Variants in ROBO2 observed in about 807,000 individuals in gnomAD.
ROBO2 encodes roundabout guidance receptor 2.
In ROBO2, 53 loss-of-function variants were observed where a neutral mutation model predicts 160.8. The ratio of observed to expected loss-of-function variants is 0.33; its 90% CI spans 0.26 to 0.41. The LOEUF (loss-of-function observed/expected upper bound fraction) is 0.41. ROBO2 is among the 10% of genes least tolerant of loss of function. The pLI, the probability that ROBO2 is intolerant of heterozygous loss-of-function variation, is 1.00. For missense variants in ROBO2, 1,577 were observed against 1,722.4 expected (o/e 0.92, Z 1.49); for synonymous variants, 664 against 611.7 (o/e 1.09, Z -1.26).
At chr3:76,066,381 AT>A (rs1206674100) in intron 2 of ROBO2, among the ~76,000 whole-genome samples, 1 of 152,110 alleles carries the variant, frequency 6.6e-6, no homozygotes, top group Non-Finnish European at 1.5e-5. Context: ...TTATTTAATT[AT>A]TTGCTAATTA....
At chr3:76,633,025 C>T (rs903541793) in intron 2 of ROBO2, among the ~76,000 whole-genome samples, 1 of 152,072 alleles carries the variant, frequency 6.6e-6, no homozygotes, top group Admixed American at 6.5e-5. Flanking sequence ...GATTAGCCTA[C>T]AGGGAAAGAT....
At chr3:76,723,463 T>A (rs2093497018) in intron 2 of ROBO2, among the ~76,000 whole-genome samples, 1 of 152,182 alleles carries the variant, frequency 6.6e-6, no homozygotes, top group Non-Finnish European at 1.5e-5. Flanking sequence ...AAGAAAATAA[T>A]GTTCTGGGAA....
intron 2 of ROBO2, among the ~76,000 whole-genome samples, chr3:76,628,726 T>C (rs898842398): frequency 5.9e-5 from 9 of 152,204 alleles, no homozygotes; most frequent in Non-Finnish European, 8.8e-5. Context: ...CCAGATGAAA[T>C]GTATTTGTTT....
At chr3:76,054,456 C>A (rs1327447875) in intron 2 of ROBO2, among the ~76,000 whole-genome samples, 1 of 152,136 alleles carries the variant, frequency 6.6e-6, no homozygotes, top group East Asian at 1.9e-4. Context: ...GTTAACTATA[C>A]CCCTGTTGTT....
At chr3:77,585,318 G>A (rs2153681159) in intron 16 of ROBO2, among the ~76,000 whole-genome samples, 1 of 151,202 alleles carries the variant, frequency 6.6e-6, no homozygotes, top group Non-Finnish European at 1.5e-5. Context: ...CTCATGTCAT[G>A]ACAATCACAG....
chr3:77,202,607 A>C (rs967937397), intron 2 of ROBO2, among the ~76,000 whole-genome samples: 3 of 152,172 alleles, frequency 2.0e-5, no homozygotes, highest in African/African-American at 7.2e-5. Context: ...AATGAAATCT[A>C]AGAAATCTAA....
intron 2 of ROBO2, among the ~76,000 whole-genome samples, chr3:76,555,024 T>C (rs1289044962): frequency 6.6e-6 from 1 of 151,992 alleles, no homozygotes; most frequent in Non-Finnish European, 1.5e-5. Flanking sequence ...AAAAAAGAAC[T>C]ATATTTAAAA....
rs559435333 is a variant in ROBO2 at position 76,800,445 on chromosome 3, G to A, written c.110-297569G>A. Among the ~76,000 whole-genome samples, 7 of 152,048 alleles carry A rather than the reference G, an allele frequency of 4.6e-5. No homozygotes were observed. The East Asian group carries it at 5.8e-4, about 13-fold the overall frequency. On this transcript the variant is annotated intron_variant, in intron 2 of 26. Coordinates refer to the ROBO2 transcript ENST00000487694. ...AAAGTGAAGAGACAACCCAGAGAAC[G>A]GAAGAAAATATTTGGAAACTATCCA...
chr3:77,106,446 T>C (rs1368398625), intron 2 of ROBO2, among the ~76,000 whole-genome samples: 3 of 152,182 alleles, frequency 2.0e-5, no homozygotes, highest in Non-Finnish European at 4.4e-5. Context: ...GAAATATAAT[T>C]TCGTGCAGTA....
chr3:76,961,646 G>A (rs2079671348), intron 2 of ROBO2, among the ~76,000 whole-genome samples: 2 of 152,056 alleles, frequency 1.3e-5, no homozygotes, highest in South Asian at 2.1e-4. Flanking sequence ...ACATGGCTTG[G>A]GTTATTACAC....
At chr3:77,511,298 C>T (rs1051112696) in intron 5 of ROBO2, among the ~76,000 whole-genome samples, 5 of 151,874 alleles carry the variant, frequency 3.3e-5, no homozygotes, top group Non-Finnish European at 5.9e-5. Context: ...CTGGTTAAAA[C>T]TTGAAAGGAG....
intron 2 of ROBO2, among the ~76,000 whole-genome samples, chr3:77,263,300 C>T (rs2058898549): frequency 6.6e-6 from 1 of 152,094 alleles, no homozygotes; most frequent in African/African-American, 2.4e-5. Context: ...AGGTTTGTTA[C>T]ATAGGTAAAC....
At chr3:76,817,243 A>G (rs1441748625) in intron 2 of ROBO2, among the ~76,000 whole-genome samples, 1 of 152,078 alleles carries the variant, frequency 6.6e-6, no homozygotes, top group East Asian at 1.9e-4. Context: ...ATTTGGAGCT[A>G]TTTCCAACAC....
At chr3:77,190,253 G>C (rs1329952736) in intron 2 of ROBO2, among the ~76,000 whole-genome samples, 14 of 151,938 alleles carry the variant, frequency 9.2e-5, no homozygotes, top group Admixed American at 8.5e-4. Context: ...AAATTGGATA[G>C]TTATCTCAAA....
chr3:76,023,494 G>A (rs544801494), intron 2 of ROBO2, among the ~76,000 whole-genome samples: 7 of 151,526 alleles, frequency 4.6e-5, no homozygotes, highest in Non-Finnish European at 1.0e-4. Flanking sequence ...GAATAGTGAG[G>A]CTTGAGGAGA....
At chr3:76,806,675 T>C (rs2064748767) in intron 2 of ROBO2, among the ~76,000 whole-genome samples, 1 of 152,032 alleles carries the variant, frequency 6.6e-6, no homozygotes, top group African/African-American at 2.4e-5. Flanking sequence ...CAGCGTTTAA[T>C]GAGGAAGAGC....
intron 2 of ROBO2, among the ~76,000 whole-genome samples, chr3:76,216,895 A>C (rs1245153477): frequency 6.6e-6 from 1 of 152,184 alleles, no homozygotes; most frequent in African/African-American, 2.4e-5. Flanking sequence ...TCCAAAACTG[A>C]CCACATAGTT....
At chr3:76,299,952 A>C (rs571431797) in intron 2 of ROBO2, among the ~76,000 whole-genome samples, 1 of 152,228 alleles carries the variant, frequency 6.6e-6, no homozygotes, top group African/African-American at 2.4e-5. Flanking sequence ...TTTTTTGACG[A>C]GTTGAGTTGG....
At chr3:76,087,356 G>A (rs1275807349) in intron 2 of ROBO2, among the ~76,000 whole-genome samples, 3 of 152,094 alleles carry the variant, frequency 2.0e-5, no homozygotes, top group African/African-American at 7.2e-5. Flanking sequence ...AGAAGAGAAT[G>A]GGTTTAAATA....
Sources: gnomAD v4.1 joint callset for allele counts (sites outside exome capture counted in the v4.1 genomes callset) on GRCh38, gnomAD v4.1.1 for gene constraint, MANE v1.5 for transcripts, NCBI Gene and HGNC (gene_info 2026-07-23, HGNC 2026-07-21) for gene names.